Variants in ASB3 observed in about 807,000 individuals in gnomAD.
ASB3 encodes ankyrin repeat and SOCS box protein 3.
Under a neutral mutation model 54.5 loss-of-function variants are expected in ASB3, and 41 were observed. That is an observed-to-expected ratio of 0.75 (90% confidence interval 0.59 to 0.98). The LOEUF is 0.98. Among genes scored for constraint, ASB3 ranks in the 50% least tolerant of loss-of-function variants. The pLI, the probability that ASB3 is intolerant of heterozygous loss-of-function variation, is 0.00. For synonymous variants in ASB3, 266 were observed against 221.2 expected, an observed-to-expected ratio of 1.20 and a Z score of -1.80; for missense variants, 733 against 620.0, an observed-to-expected ratio of 1.18 and a Z score of -1.94.
intron 3 of ASB3, among the ~76,000 whole-genome samples, chr2:53,739,820 C>G (rs1671833934): frequency 1.3e-5 from 2 of 152,138 alleles, no homozygotes; most frequent in Admixed American, 6.6e-5. Flanking sequence ...GGATTACAGG[C>G]ATGCACCACC....
At chr2:53,696,651 T>C (rs1265659907) in intron 8 of ASB3, among the ~76,000 whole-genome samples, 2 of 152,128 alleles carry the variant, frequency 1.3e-5, no homozygotes, top group African/African-American at 4.8e-5. Flanking sequence ...GAACTATAGA[T>C]AGCCCTCCAC....
At chr2:53,778,748 T>G (rs927217353) in intron 1 of ASB3, among the ~76,000 whole-genome samples, 3 of 152,248 alleles carry the variant, frequency 2.0e-5, no homozygotes, top group African/African-American at 7.2e-5. Flanking sequence ...AGTATTCCAC[T>G]ACGTATGTAC....
At chr2:53,750,989 C>T in intron 2 of ASB3, 48 bp from the exon 3 acceptor site, 1 of 1,411,844 alleles carries the variant, frequency 7.1e-7, no homozygotes, top group Non-Finnish European at 9.3e-7. Context: ...ACTTCTATTT[C>T]CTGGTTTTAA....
intron 5 of ASB3, among the ~76,000 whole-genome samples, chr2:53,717,882 G>A (rs1572899289): frequency 6.6e-6 from 1 of 151,960 alleles, no homozygotes; most frequent in African/African-American, 2.4e-5. Context: ...ACTCACTTAA[G>A]GAATTTCAAA....
chr2:53,700,958 A>G (rs562970854), intron 7 of ASB3, among the ~76,000 whole-genome samples: 1 of 152,280 alleles, frequency 6.6e-6, no homozygotes, highest in South Asian at 2.1e-4. Context: ...AACCTTAGCC[A>G]ATTTCCCTCC....
intron 9 of ASB3, among the ~76,000 whole-genome samples, chr2:53,678,155 G>C (rs1668182897): frequency 6.6e-6 from 1 of 152,018 alleles, no homozygotes; most frequent in African/African-American, 2.4e-5. Context: ...GTGTGTGTGT[G>C]TGTGCATGTG....
chr2:53,697,456 T>C (rs890830772), intron 8 of ASB3, among the ~76,000 whole-genome samples: 5 of 146,474 alleles, frequency 3.4e-5, no homozygotes, highest in African/African-American at 1.2e-4. Flanking sequence ...CTCTATGGAC[T>C]TGCCCCGAAT....
intron 5 of ASB3, among the ~76,000 whole-genome samples, chr2:53,723,028 A>G (rs776486347): frequency 4.6e-5 from 7 of 152,164 alleles, no homozygotes; most frequent in Non-Finnish European, 8.8e-5. Flanking sequence ...AATCAGCAGC[A>G]TTTCTATACA....
intron 5 of ASB3, among the ~76,000 whole-genome samples, chr2:53,724,094 C>G (rs1670858365): frequency 6.6e-6 from 1 of 152,092 alleles, no homozygotes; most frequent in South Asian, 2.1e-4. Flanking sequence ...TAAGTGGGAC[C>G]TAATTAATCT....
chr2:53,758,901 C>G (rs951545221), intron 2 of ASB3, among the ~76,000 whole-genome samples: 1 of 152,158 alleles, frequency 6.6e-6, no homozygotes, highest in Non-Finnish European at 1.5e-5. Context: ...AGTGTATGTA[C>G]CTTTTTCCCT....
chr2:53,685,051 G>A (rs779834278), intron 9 of ASB3, among the ~76,000 whole-genome samples: 7 of 152,194 alleles, frequency 4.6e-5, no homozygotes, highest in Non-Finnish European at 5.9e-5. Context: ...GGGACAGCAC[G>A]GGGAGGCATG....
chr2:53,674,974 T>C (rs894684195), intron 9 of ASB3, among the ~76,000 whole-genome samples: 2 of 152,216 alleles, frequency 1.3e-5, no homozygotes, highest in Non-Finnish European at 2.9e-5. Flanking sequence ...AAGCACCATC[T>C]AGTAGTAACA....
At chr2:53,710,447 T>C (rs1416714339) in intron 7 of ASB3, among the ~76,000 whole-genome samples, 5 of 152,228 alleles carry the variant, frequency 3.3e-5, no homozygotes, top group Admixed American at 3.3e-4. Context: ...CTTTCAATTA[T>C]CTGATATTTC....
intron 1 of ASB3, among the ~76,000 whole-genome samples, chr2:53,785,795 T>C (rs1188419154): frequency 6.6e-6 from 1 of 152,218 alleles, no homozygotes; most frequent in African/African-American, 2.4e-5. Context: ...TGAGCCAAGA[T>C]TATGCCTCTG....
intron 8 of ASB3, among the ~76,000 whole-genome samples, chr2:53,699,796 C>G (rs1332466961): frequency 6.6e-6 from 1 of 152,166 alleles, no homozygotes; most frequent in Non-Finnish European, 1.5e-5. Flanking sequence ...GGTTGCCCTT[C>G]TGAGGAACTA....
intron 3 of ASB3, among the ~76,000 whole-genome samples, chr2:53,740,034 A>G (rs13395484): frequency 0.01 from 1,555 of 152,330 alleles, 25 homozygotes; most frequent in African/African-American, 0.035. Flanking sequence ...ATGGTCAGTA[A>G]GTCTGTAACG....
rs769102259 is a variant in ASB3 at position 53,729,586 on chromosome 2, T to G, written c.356-16A>C. The G allele has an allele frequency of 5.6e-6, 9 of 1,611,242 alleles. No homozygotes were observed. Among genetic ancestry groups the G allele is most frequent in the Non-Finnish European group, 6.8e-6 (8 of 1,177,830 alleles). On this transcript the variant is annotated splice_polypyrimidine_tract_variant and intron_variant, in intron 3 of 9. Coordinates refer to ENST00000263634, the MANE Select transcript of ASB3 (RefSeq NM_016115.5). ...TTTTCAACAGCTGTAATACAGCAGT[T>G]AGAAAAATTAATGTCAGCAAAAAGG...
intron 8 of ASB3, among the ~76,000 whole-genome samples, chr2:53,695,119 G>C (rs2193682): frequency 0.55 from 83,481 of 151,808 alleles, 23,692 homozygotes; most frequent in African/African-American, 0.69. Flanking sequence ...GAGGTATTAC[G>C]GAGCAACAAC....
chr2:53,680,975 A>T (rs1030559211), intron 9 of ASB3, among the ~76,000 whole-genome samples: 1 of 152,156 alleles, frequency 6.6e-6, no homozygotes, highest in Non-Finnish European at 1.5e-5. Context: ...AAGTGAGAAC[A>T]TGCTAAGTTT....
Sources: gnomAD v4.1 joint callset for allele counts (sites outside exome capture counted in the v4.1 genomes callset) on GRCh38, gnomAD v4.1.1 for gene constraint, MANE v1.5 for transcripts, NCBI Gene and HGNC (gene_info 2026-07-23, HGNC 2026-07-21) for gene names.